Variants in FMN2 observed in about 807,000 individuals in gnomAD.
FMN2 encodes formin 2.
In FMN2, 51 loss-of-function variants were observed where a neutral mutation model predicts 142.3. The ratio of observed to expected loss-of-function variants is 0.36; its 90% CI spans 0.29 to 0.45. The LOEUF is 0.45. FMN2 is among the 20% of genes least tolerant of loss of function. FMN2 has a pLI of 1.00. For missense variants in FMN2, 1,936 were observed against 2,122.8 expected (o/e 0.91, Z 1.73); for synonymous variants, 882 against 869.8 (o/e 1.01, Z -0.25).
At chr1:240,251,663 G>T (rs1223306278) in intron 6 of FMN2, among the ~76,000 whole-genome samples, 1 of 152,152 alleles carries the variant, frequency 6.6e-6, no homozygotes, top group Non-Finnish European at 1.5e-5. Context: ...TGCTGAGAGT[G>T]TGATGTTGAT....
At chr1:240,450,884 G>A (rs568664501) in intron 16 of FMN2, among the ~76,000 whole-genome samples, 2 of 152,290 alleles carry the variant, frequency 1.3e-5, no homozygotes, top group Non-Finnish European at 1.5e-5. Context: ...CCTAGGGCAA[G>A]CCACCTCCAC....
rs1407750103 is a variant in FMN2 at position 240,473,318 on chromosome 1, G to C, written c.5143-810G>C. On this transcript the variant is annotated intron_variant, in intron 17 of 17. Coordinates refer to ENST00000319653, the MANE Select transcript of FMN2 (RefSeq NM_020066.5). This position sits in a 1 kb window ranked among gnomAD's most constrained non-coding sequence, Gnocchi z 4.3. The stretch of plus-strand genomic sequence containing the variant: ...TCCCCGCTTTAAAACAAAATGCCAG[G>C]TTATCCACCCTGGGAGGGAAGGGCT... 2.6e-5 allele frequency among the ~76,000 whole-genome samples: 4 copies of C among 152,156 alleles called. No individual in the cohort carries two copies. Among genetic ancestry groups the C allele is most frequent in the Non-Finnish European group, 5.9e-5 (4 of 68,028 alleles).
Position 240,334,941 on chromosome 1 carries a change from T to C in FMN2, c.4765+712T>C, listed in dbSNP as rs558099417. Among the ~76,000 whole-genome samples the C allele has an allele frequency of 1.8e-3, 268 of 152,236 alleles. 1 individual carries two copies. The highest frequency in any genetic ancestry group is 6.4e-3 in the African/African-American group (264 of 41,548). On this transcript the variant is annotated intron_variant, in intron 13 of 17. Transcript: ENST00000319653. ...AAATACATTTACCCGAGCTTTTGAT[T>C]TGATATTGTGTTACTATATGAGAAG... is the stretch of plus-strand genomic sequence containing the variant.
At chr1:240,168,205 T>G (rs1331178280) in intron 2 of FMN2, among the ~76,000 whole-genome samples, 1 of 152,204 alleles carries the variant, frequency 6.6e-6, no homozygotes, top group Non-Finnish European at 1.5e-5. Context: ...AACCCAGATA[T>G]TGTGAGTTCA....
At chr1:240,409,071 C>T (rs915283681) in intron 15 of FMN2, among the ~76,000 whole-genome samples, 1 of 152,074 alleles carries the variant, frequency 6.6e-6, no homozygotes, top group Non-Finnish European at 1.5e-5. Context: ...TTGTCCGGTG[C>T]CCTATTTAAG....
intron 2 of FMN2, among the ~76,000 whole-genome samples, chr1:240,147,831 A>G (rs1418339309): frequency 6.6e-6 from 1 of 152,138 alleles, no homozygotes; most frequent in African/African-American, 2.4e-5. Flanking sequence ...AATATTTATA[A>G]AATGCAAATT....
At chr1:240,442,873 C>T (rs189758304) in intron 16 of FMN2, among the ~76,000 whole-genome samples, 1 of 152,216 alleles carries the variant, frequency 6.6e-6, no homozygotes, top group East Asian at 1.9e-4. Context: ...CTTACTGGCT[C>T]CAGAATCGTA....
At chr1:240,270,719 A>G (rs913088399) in intron 7 of FMN2, among the ~76,000 whole-genome samples, 2 of 152,080 alleles carry the variant, frequency 1.3e-5, no homozygotes, top group African/African-American at 4.8e-5. Context: ...ACATTATGTT[A>G]AGTGAAATAA....
intron 6 of FMN2, among the ~76,000 whole-genome samples, chr1:240,234,814 T>C (rs1001799451): frequency 2.4e-4 from 36 of 152,316 alleles, no homozygotes; most frequent in African/African-American, 7.7e-4. Flanking sequence ...ACTTTATTTC[T>C]CCAGTTATGT....
At chr1:240,385,881 GATATAT>G (rs58593059) in intron 14 of FMN2, among the ~76,000 whole-genome samples, 5 of 151,422 alleles carry the variant, frequency 3.3e-5, no homozygotes, top group African/African-American at 1.2e-4. Flanking sequence ...GAGGCACAAT[GATATAT>G]ATATATATTT....
At chr1:240,427,174 TATA>T (rs1674974694) in intron 15 of FMN2, among the ~76,000 whole-genome samples, 1 of 29,956 alleles carries the variant, frequency 3.3e-5, no homozygotes, top group African/African-American at 4.7e-5. Flanking sequence ...ACTGATTTTA[TATA>T]TATATATATA....
At chr1:240,321,153 G>T (rs1043458527) in intron 8 of FMN2, among the ~76,000 whole-genome samples, 14 of 144,004 alleles carry the variant, frequency 9.7e-5, no homozygotes, top group Middle Eastern at 3.7e-3. Context: ...AATTGAACTT[G>T]TTTTTTTTTT....
intron 1 of FMN2, among the ~76,000 whole-genome samples, chr1:240,115,730 G>A (rs565458534): frequency 6.6e-5 from 10 of 152,210 alleles, no homozygotes; most frequent in Non-Finnish European, 1.5e-4. Flanking sequence ...ATGGGTTCTT[G>A]GCTTCCCTCA....
intron 15 of FMN2, among the ~76,000 whole-genome samples, chr1:240,394,238 G>A (rs539389979): frequency 1.5e-4 from 23 of 152,140 alleles, no homozygotes; most frequent in Non-Finnish European, 3.4e-4. Flanking sequence ...ACTCAAAAAA[G>A]ACAAATGTAA....
chr1:240,344,584 CA>C (rs1161478467), intron 13 of FMN2, among the ~76,000 whole-genome samples: 1 of 152,114 alleles, frequency 6.6e-6, no homozygotes, highest in Non-Finnish European at 1.5e-5. Context: ...ACATTACTTT[CA>C]GTGGTGATTT....
intron 15 of FMN2, among the ~76,000 whole-genome samples, chr1:240,396,385 G>A (rs1054322011): frequency 5.3e-5 from 8 of 151,316 alleles, no homozygotes; most frequent in Admixed American, 1.3e-4. Flanking sequence ...TTGTAAAATT[G>A]GCAAGTCTAA....
At chr1:240,209,405 C>T (rs1364824928) in intron 5 of FMN2, among the ~76,000 whole-genome samples, 7 of 151,516 alleles carry the variant, frequency 4.6e-5, no homozygotes, top group Non-Finnish European at 8.8e-5. Context: ...CGCCCGCCAC[C>T]ACGCCCGGTT....
At chr1:240,125,132 C>G (rs1404102830) in intron 2 of FMN2, among the ~76,000 whole-genome samples, 2 of 152,236 alleles carry the variant, frequency 1.3e-5, no homozygotes, top group African/African-American at 4.8e-5. Flanking sequence ...GTGTCTATAT[C>G]TGCCTGTTCA....
chr1:240,123,176 C>T lies in FMN2; in HGVS notation c.1616-3C>T. 3 of 1,614,012 alleles carry T rather than the reference C, an allele frequency of 1.9e-6. No individual in the cohort carries two copies. The highest frequency in any genetic ancestry group is 1.1e-5 in the South Asian group (1 of 91,072). On this transcript the variant is annotated splice_polypyrimidine_tract_variant and splice_region_variant and intron_variant, in intron 1 of 17. Transcript: ENST00000319653. ...GCTCTTAATGACTGTGTTTCATCTG[C>T]AGGGCGAACGCTGTTGGAGAAGCTG... is the stretch of plus-strand genomic sequence containing the variant.
Sources: allele counts gnomAD v4.1 joint callset (sites outside exome capture counted in the v4.1 genomes callset), GRCh38; gene constraint gnomAD v4.1.1; non-coding constraint Gnocchi (gnomAD v3.1); transcripts MANE v1.5; gene names NCBI Gene and HGNC (gene_info 2026-07-23, HGNC 2026-07-21).